The following PALS2 variants were observed in gnomAD, a reference collection of about 807,000 sequenced individuals.
PALS2 encodes the protein protein PALS2.
A neutral mutation model predicts 61.6 loss-of-function variants in PALS2; 27 were observed. The ratio of observed to expected loss-of-function variants is 0.44; its 90% CI spans 0.32 to 0.60. The LOEUF (loss-of-function observed/expected upper bound fraction) is 0.60. Ranked by LOEUF, PALS2 falls within the 20% of genes least tolerant of loss-of-function variation. The pLI, the probability that PALS2 is intolerant of heterozygous loss-of-function variation, is 0.05. For missense variants in PALS2, 554 were observed against 639.4 expected, an observed-to-expected ratio of 0.87 and a Z score of 1.44; for synonymous variants, 236 against 218.6, an observed-to-expected ratio of 1.08 and a Z score of -0.70.
rs931882531 is a variant in PALS2 at position 24,665,574 on chromosome 7, T to C, written c.784-14T>C. The C allele has an allele frequency of 6.2e-7, 1 of 1,611,790 alleles. No individual in the cohort carries two copies. Among genetic ancestry groups the C allele is most frequent in the Non-Finnish European group, 8.5e-7 (1 of 1,178,086 alleles). On this transcript the variant is annotated splice_polypyrimidine_tract_variant and intron_variant, in intron 6 of 11. Coordinates refer to ENST00000222644, the MANE Select transcript of PALS2 (RefSeq NM_001303037.2). ...TTGGTCACTGAGATGTACAATTCAT[T>C]AATTTGATTCTAGGCTAGCCATGTA... is the stretch of plus-strand genomic sequence containing the variant.
At chr7:24,648,012 T>A (rs1195635156) in intron 3 of PALS2, among the ~76,000 whole-genome samples, 1 of 152,194 alleles carries the variant, frequency 6.6e-6, no homozygotes, top group East Asian at 1.9e-4. Flanking sequence ...GGTGGAAAAC[T>A]AAGCAGCGCA....
intron 1 of PALS2, among the ~76,000 whole-genome samples, chr7:24,614,598 A>G (rs1002571445): frequency 6.6e-6 from 1 of 151,954 alleles, no homozygotes; most frequent in Non-Finnish European, 1.5e-5. Context: ...AAAAGGAAGT[A>G]TTATTACATC....
rs144464428 is a variant in PALS2 at position 24,668,881 on chromosome 7, T to G, written c.1114+221T>G. Among the ~76,000 whole-genome samples the G allele has an allele frequency of 9.8e-5, 15 of 152,356 alleles. No homozygotes were observed. In the East Asian group the frequency reaches 2.9e-3, roughly 29 times the overall value. ...GGCTTGCTGTCTGGTGGCAAGTGCT[T>G]CTCTAAACTATTCAGTTCAGAAATG... is the stretch of plus-strand genomic sequence containing the variant. On this transcript the variant is annotated intron_variant, in intron 9 of 11. Coordinates refer to ENST00000222644, the MANE Select transcript of PALS2 (RefSeq NM_001303037.2).
rs1197997903 is a variant in PALS2 at position 24,638,625 on chromosome 7, C to T, written c.118-3091C>T. ...GGATTACAGGCGTGAGCCACCGCGC[C>T]CGGCCAATTTCTGTATTTTCTAGTG... On this transcript the variant is annotated intron_variant, in intron 2 of 11. Coordinates refer to ENST00000222644, the MANE Select transcript of PALS2 (RefSeq NM_001303037.2). 2.0e-5 allele frequency among the ~76,000 whole-genome samples: 3 copies of T among 151,002 alleles called. 1 individual carries two copies. Among genetic ancestry groups the T allele is most frequent in the Non-Finnish European group, 4.4e-5 (3 of 67,826 alleles).
At position 24,573,860 on chromosome 7, in the gene PALS2, C is replaced by T. The variant is rs1782547045; in HGVS notation, c.-3+267C>T. 6.6e-6 allele frequency among the ~76,000 whole-genome samples: 1 copy of T among 150,980 alleles called. No homozygotes were observed. The highest frequency in any genetic ancestry group is 1.5e-5 in the Non-Finnish European group (1 of 67,686). On this transcript the variant is annotated intron_variant, in intron 1 of 11. Coordinates refer to ENST00000222644, the MANE Select transcript of PALS2 (RefSeq NM_001303037.2). The surrounding 1 kb of genome is among the most constrained non-coding windows in gnomAD (Gnocchi z 5.3). The stretch of plus-strand genomic sequence containing the variant: ...GGGCTCCTGCCTCTCTGGCTGCGGG[C>T]GGCTGGGCGGGCCGGAGCTCGGCAA...
At chr7:24,603,598 T>C (rs914358502) in intron 1 of PALS2, among the ~76,000 whole-genome samples, 1 of 152,092 alleles carries the variant, frequency 6.6e-6, no homozygotes, top group African/African-American at 2.4e-5. Context: ...TCACTGAGAG[T>C]GAAGTCTTAA....
intron 5 of PALS2, among the ~76,000 whole-genome samples, chr7:24,654,321 ATGTT>A (rs1786308242): frequency 6.6e-6 from 1 of 152,130 alleles, no homozygotes; most frequent in African/African-American, 2.4e-5. Context: ...TACAAGCAAA[ATGTT>A]TGGAAAGGAG....
chr7:24,653,562 A>G (rs1786269840), intron 5 of PALS2, among the ~76,000 whole-genome samples: 1 of 152,160 alleles, frequency 6.6e-6, no homozygotes, highest in African/African-American at 2.4e-5. Context: ...CGTTTTCATT[A>G]TAAAATGAAA....
intron 2 of PALS2, among the ~76,000 whole-genome samples, chr7:24,634,762 A>G (rs901630447): frequency 2.0e-5 from 3 of 152,200 alleles, no homozygotes; most frequent in African/African-American, 4.8e-5. Context: ...TGTCTTTTAC[A>G]TGTGCTTCTC....
rs1254861833 is a variant in PALS2 at position 24,668,543 on chromosome 7, A to G, written c.997A>G (p.Met333Val). 1 of 1,613,642 alleles carries G rather than the reference A, an allele frequency of 6.2e-7. No individual in the cohort carries two copies. The highest frequency in any genetic ancestry group is 1.7e-4 in the Middle Eastern group (1 of 6,058). ...EIQIYEEVAK[M>V]PPFQRKTLVL... The stretch of plus-strand genomic sequence containing the variant: ...CCAGATATATGAGGAGGTAGCCAAA[A>G]TGCCTCCCTTCCAGAGAAAAACATT... Residue 333 changes from methionine (M) to valine (V), a missense_variant, in exon 9 of 12, where the codon ATG (methionine) becomes GTG (valine). By Grantham distance (21) the Met-to-Val change is conservative. Transcript: ENST00000222644.
intron 5 of PALS2, among the ~76,000 whole-genome samples, chr7:24,655,998 C>T (rs1021004483): frequency 2.0e-5 from 3 of 152,042 alleles, no homozygotes; most frequent in Admixed American, 6.5e-5. Flanking sequence ...CTGTATTTAA[C>T]GAAGTAGACC....
intron 2 of PALS2, 152 bp downstream of exon 2, chr7:24,623,936 T>A: frequency 2.0e-6 from 2 of 978,492 alleles, no homozygotes; most frequent in Middle Eastern, 4.7e-4. Context: ...TCTTAACATA[T>A]GCAAAAATTA....
intron 1 of PALS2, among the ~76,000 whole-genome samples, chr7:24,598,196 T>G (rs555259137): frequency 5.8e-4 from 88 of 152,326 alleles, no homozygotes; most frequent in Admixed American, 1.8e-3. Context: ...GGAAGTTCTG[T>G]TAAAGCAGAA....
At chr7:24,681,628 A>C (rs985436194) in intron 11 of PALS2, among the ~76,000 whole-genome samples, 1 of 151,914 alleles carries the variant, frequency 6.6e-6, no homozygotes, top group Non-Finnish European at 1.5e-5. Flanking sequence ...TGCCAGCTTA[A>C]TTGAGGTATA....
chr7:24,665,908 T>C, intron 7 of PALS2, 113 bp from the exon 8 acceptor site: 1 of 1,120,576 alleles, frequency 8.9e-7, no homozygotes, highest in Non-Finnish European at 1.3e-6. Flanking sequence ...CTCTTTTGCT[T>C]CCTAGGATGC....
intron 5 of PALS2, among the ~76,000 whole-genome samples, chr7:24,654,684 A>G (rs1245457413): frequency 6.6e-6 from 1 of 152,204 alleles, no homozygotes; most frequent in Non-Finnish European, 1.5e-5. Flanking sequence ...TAACTTGTAG[A>G]TTTAATGGAA....
chr7:24,633,486 T>G, intron 2 of PALS2, among the ~76,000 whole-genome samples: 1 of 130,356 alleles, frequency 7.7e-6, no homozygotes, highest in Admixed American at 8.9e-5. Flanking sequence ...ACCCCGATGT[T>G]TCAGTATTTT....
chr7:24,601,643 C>G (rs1167811674), intron 1 of PALS2, among the ~76,000 whole-genome samples: 1 of 151,434 alleles, frequency 6.6e-6, no homozygotes, highest in East Asian at 1.9e-4. Flanking sequence ...TGTTTTTAAT[C>G]TTTCTGAGGA....
chr7:24,640,451 A>G (rs1785466266), intron 2 of PALS2, among the ~76,000 whole-genome samples: 1 of 152,194 alleles, frequency 6.6e-6, no homozygotes, highest in Non-Finnish European at 1.5e-5. Flanking sequence ...TAGGTATCTG[A>G]AAAAGTTTAG....
Sources: allele counts gnomAD v4.1 joint callset (sites outside exome capture counted in the v4.1 genomes callset), GRCh38; gene constraint gnomAD v4.1.1; non-coding constraint Gnocchi (gnomAD v3.1); transcripts MANE v1.5; gene names NCBI Gene and HGNC (gene_info 2026-07-23, HGNC 2026-07-21).